Variants in UNC13C observed in about 807,000 individuals in gnomAD.
UNC13C encodes the protein unc-13 homolog C.
Under a neutral mutation model 245.4 loss-of-function variants are expected in UNC13C, and 174 were observed. That is an observed-to-expected ratio of 0.71 (90% CI 0.63 to 0.80). The LOEUF (loss-of-function observed/expected upper bound fraction) is 0.80, where lower values mean the gene tolerates loss of function less well. Among genes scored for constraint, UNC13C ranks in the 30% least tolerant of loss-of-function variants. The pLI is 0.00. For missense variants in UNC13C, 2,829 were observed against 2,602.9 expected (o/e 1.09, Z -1.89); for synonymous variants, 992 against 895.1 (o/e 1.11, Z -1.93).
chr15:54,478,780 A>G lies in UNC13C; in HGVS notation c.4934-15828A>G, dbSNP rs537181074. ...TGTGGTGTGGTGCTGAAAAAAATGT[A>G]TATTCTGTTGATTTGGGGTGGAGAG... On this transcript the variant is annotated intron_variant, in intron 19 of 32. Coordinates refer to ENST00000260323, the MANE Select transcript of UNC13C (RefSeq NM_001080534.3). 1.3e-3 allele frequency among the ~76,000 whole-genome samples: 205 copies of G among 151,948 alleles called. 2 individuals carry two copies. The highest frequency in any genetic ancestry group is 4.6e-3 in the African/African-American group (190 of 41,420).
Position 54,627,660 on chromosome 15 carries a change from T to G in UNC13C, c.*547T>G, listed in dbSNP as rs77133106. Reference sequence around the variant, plus strand: ...GTGGGAAATATTTTCTGCTGACCAGTTTCCAACCTTTCTGAAATATCACTG... The same window carrying G: ...GTGGGAAATATTTTCTGCTGACCAGGTTCCAACCTTTCTGAAATATCACTG... On this transcript the variant is annotated 3_prime_UTR_variant, in exon 33 of 33. Transcript: ENST00000260323. 13,743 of 152,706 alleles carry G rather than the reference T, an allele frequency of 0.09. 658 individuals are homozygous for G. Among genetic ancestry groups the G allele is most frequent in the Middle Eastern group, 0.11 (33 of 294 alleles). The allele number at this position is 152,706 out of a possible 1,614,324, so 9.5% of individuals were successfully genotyped here.
At chr15:54,294,171 G>C in intron 11 of UNC13C, 107 bp downstream of exon 11, 1 of 992,952 alleles carries the variant, frequency 1.0e-6, no homozygotes, top group South Asian at 2.7e-5. Context: ...GCCTTTCCAG[G>C]ACATTCTGTT....
chr15:54,533,503 A>G (rs947341798), intron 26 of UNC13C, among the ~76,000 whole-genome samples: 2 of 152,230 alleles, frequency 1.3e-5, no homozygotes, highest in Admixed American at 6.5e-5. Context: ...CTCAGAGGCA[A>G]GCAGATAGCT....
chr15:54,273,191 A>G (rs1272506022), intron 10 of UNC13C, among the ~76,000 whole-genome samples: 3 of 152,198 alleles, frequency 2.0e-5, no homozygotes, highest in African/African-American at 7.2e-5. Flanking sequence ...ATATGAGAAC[A>G]GAAAGTCCTT....
intron 10 of UNC13C, among the ~76,000 whole-genome samples, chr15:54,269,718 A>C (rs1409489708): frequency 1.3e-5 from 2 of 152,118 alleles, no homozygotes; most frequent in Non-Finnish European, 2.9e-5. Flanking sequence ...AGAAGTACAC[A>C]CCGGAATGGA....
At chr15:54,353,966 C>T (rs1462337595) in intron 17 of UNC13C, among the ~76,000 whole-genome samples, 1 of 152,196 alleles carries the variant, frequency 6.6e-6, no homozygotes, top group Non-Finnish European at 1.5e-5. Flanking sequence ...CTGGAAACAG[C>T]TCTTACAATT....
the UNC13C span, among the ~76,000 whole-genome samples, chr15:53,885,553 A>C: frequency 0.42 from 64,217 of 152,054 alleles, 14,686 homozygotes; most frequent in South Asian, 0.57. Flanking sequence ...TGTTCTTCAT[A>C]AAACCTAAGC....
At chr15:53,890,135 C>T in the UNC13C span, among the ~76,000 whole-genome samples, 19 of 126,476 alleles carry the variant, frequency 1.5e-4, no homozygotes, top group Non-Finnish European at 2.7e-4. Flanking sequence ...ATGGTACCAG[C>T]GCCTCTTTTT....
At chr15:54,084,002 G>A (rs1897017) in intron 2 of UNC13C, among the ~76,000 whole-genome samples, 71,197 of 152,100 alleles carry the variant, frequency 0.47, 18,671 homozygotes, top group Non-Finnish European at 0.6. Flanking sequence ...TGTTGTCCAG[G>A]GCTGTGAGTG....
chr15:54,197,591 G>A (rs1319604063), intron 4 of UNC13C, among the ~76,000 whole-genome samples: 2 of 152,174 alleles, frequency 1.3e-5, no homozygotes, highest in Non-Finnish European at 2.9e-5. Context: ...TAATTGAGTT[G>A]TGGATGCAAA....
intron 2 of UNC13C, among the ~76,000 whole-genome samples, chr15:54,041,196 TC>T (rs1254447412): frequency 6.6e-6 from 1 of 152,206 alleles, no homozygotes; most frequent in East Asian, 1.9e-4. Context: ...AAACTTTGTA[TC>T]CTGCATTTGG....
chr15:54,413,211 G>A (rs1380284998), intron 18 of UNC13C, among the ~76,000 whole-genome samples: 3 of 151,880 alleles, frequency 2.0e-5, no homozygotes, highest in African/African-American at 4.8e-5. Context: ...GTTTATAAGA[G>A]ATATTCTTTA....
chr15:54,526,515 A>G (rs1260624944), intron 25 of UNC13C, among the ~76,000 whole-genome samples: 2 of 152,032 alleles, frequency 1.3e-5, no homozygotes. Flanking sequence ...GTGGATCACG[A>G]GGTCAGGAGA....
chr15:54,547,702 G>A (rs1896545220), intron 27 of UNC13C, among the ~76,000 whole-genome samples: 1 of 152,144 alleles, frequency 6.6e-6, no homozygotes, highest in Non-Finnish European at 1.5e-5. Flanking sequence ...GACAGTGAGT[G>A]ATAAAATATA....
At chr15:54,138,953 A>ATTTTTTTTTTTTATTTTTTTTTTTTT (rs2031873413) in intron 2 of UNC13C, among the ~76,000 whole-genome samples, 1 of 48,632 alleles carries the variant, frequency 2.1e-5, no homozygotes, top group Non-Finnish European at 3.5e-5. Flanking sequence ...ATTTCCCCTA[A>ATTTTTTTTTTTTATTTTTTTTTTTTT]TTTTTTTTTT....
intron 30 of UNC13C, among the ~76,000 whole-genome samples, chr15:54,578,144 C>T (rs1898038282): frequency 3.3e-5 from 5 of 152,154 alleles, no homozygotes. Context: ...AACTGGGAAT[C>T]ATTTGTAAAG....
At chr15:54,102,624 A>G (rs942293387) in intron 2 of UNC13C, among the ~76,000 whole-genome samples, 1 of 152,234 alleles carries the variant, frequency 6.6e-6, no homozygotes, top group African/African-American at 2.4e-5. Context: ...GTATGTAGCT[A>G]CTATTTTCTA....
chr15:54,001,785 G>A (rs982263840), intron 1 of UNC13C, among the ~76,000 whole-genome samples: 4 of 152,222 alleles, frequency 2.6e-5, no homozygotes, highest in Admixed American at 1.3e-4. Context: ...GCTCCGTGGG[G>A]ACACGGCACA....
Position 54,375,734 on chromosome 15 carries a change from A to G in UNC13C, c.4714-17314A>G, listed in dbSNP as rs115473285. On this transcript the variant is annotated intron_variant, in intron 17 of 32. Transcript: ENST00000260323. ...AGATGCATGGAAATTAATTCTGCCA[A>G]CAATGATGTGAGTTTGCGTGAGGAC... Among the ~76,000 whole-genome samples, 1,466 of 152,314 alleles carry G rather than the reference A, an allele frequency of 9.6e-3. 22 individuals carry two copies. The highest frequency in any genetic ancestry group is 0.034 in the African/African-American group (1,409 of 41,564).
Sources: gnomAD v4.1 joint callset for allele counts (sites outside exome capture counted in the v4.1 genomes callset) on GRCh38, gnomAD v4.1.1 for gene constraint, MANE v1.5 for transcripts, NCBI Gene and HGNC (gene_info 2026-07-23, HGNC 2026-07-21) for gene names.